The following GALNT13 variants were observed in gnomAD, a reference collection of about 807,000 sequenced individuals.
The protein encoded by GALNT13 is polypeptide N-acetylgalactosaminyltransferase 13.
In GALNT13, 28 loss-of-function variants were observed where a neutral mutation model predicts 64.2. The ratio of observed to expected loss-of-function variants is 0.44; its 90% CI spans 0.32 to 0.60. The LOEUF is 0.60. GALNT13 is among the 20% of genes least tolerant of loss of function. The pLI, the probability that GALNT13 is intolerant of heterozygous loss-of-function variation, is 0.05. For missense variants in GALNT13, 577 were observed against 669.8 expected, an observed-to-expected ratio of 0.86 and a Z score of 1.53; for synonymous variants, 214 against 224.6, an observed-to-expected ratio of 0.95 and a Z score of 0.42.
the GALNT13 span, among the ~76,000 whole-genome samples, chr2:153,213,259 C>G: frequency 6.6e-6 from 1 of 152,182 alleles, no homozygotes; most frequent in Non-Finnish European, 1.5e-5. Context: ...TGTGGAATGA[C>G]CCAGGTGGAT....
chr2:153,397,438 C>T, the GALNT13 span, among the ~76,000 whole-genome samples: 1 of 152,202 alleles, frequency 6.6e-6, no homozygotes, highest in South Asian at 2.1e-4. Context: ...TTCACTGGTG[C>T]ACTGACTTTT....
At chr2:153,478,218 G>T in the GALNT13 span, 1 of 1,593,594 alleles carries the variant, frequency 6.3e-7, no homozygotes, top group Non-Finnish European at 8.6e-7. Flanking sequence ...AGCGGTTGCC[G>T]CGGGGGCAGA....
chr2:154,013,755 G>A lies in GALNT13; in HGVS notation c.142+69116G>A, dbSNP rs1696806504. On this transcript the variant is annotated intron_variant, in intron 3 of 12. Coordinates refer to ENST00000392825, the MANE Select transcript of GALNT13 (RefSeq NM_052917.4). Reference sequence around the variant, plus strand: ...AGCAGAGTGTGCTCATGACAGCAGCGGTGGGGCAGTGGGGTGCACACTCAC... The same window carrying A: ...AGCAGAGTGTGCTCATGACAGCAGCAGTGGGGCAGTGGGGTGCACACTCAC... Among the ~76,000 whole-genome samples the A allele has an allele frequency of 2.0e-5, 3 of 152,264 alleles. 1 individual carries two copies. The East Asian group carries it at 5.8e-4, about 30-fold the overall frequency.
chr2:153,234,433 G>A, the GALNT13 span, among the ~76,000 whole-genome samples: 2 of 152,210 alleles, frequency 1.3e-5, no homozygotes, highest in South Asian at 2.1e-4. Context: ...CAGCTGTTTG[G>A]TACTCTAGCT....
chr2:154,225,163 T>C (rs13401197), intron 4 of GALNT13, among the ~76,000 whole-genome samples: 13 of 79,382 alleles, frequency 1.6e-4, no homozygotes, highest in Non-Finnish European at 3.6e-4. Flanking sequence ...AGATAGATGA[T>C]AGATAGATAG....
At chr2:154,103,557 G>T (rs1301619475) in intron 3 of GALNT13, among the ~76,000 whole-genome samples, 1 of 152,032 alleles carries the variant, frequency 6.6e-6, no homozygotes, top group East Asian at 1.9e-4. Flanking sequence ...TTGTCTTTTT[G>T]TACTGCTGGA....
At chr2:153,572,307 T>C in the GALNT13 span, among the ~76,000 whole-genome samples, 6 of 151,696 alleles carry the variant, frequency 4.0e-5, no homozygotes, top group African/African-American at 1.4e-4. Context: ...TTCTCTCTGT[T>C]TTCAACTCTG....
the GALNT13 span, among the ~76,000 whole-genome samples, chr2:153,233,030 C>T: frequency 6.6e-6 from 1 of 152,162 alleles, no homozygotes; most frequent in African/African-American, 2.4e-5. Flanking sequence ...CAGCACTAAT[C>T]AGAAATTAGA....
intron 3 of GALNT13, among the ~76,000 whole-genome samples, chr2:154,022,255 T>C (rs530107463): frequency 3.9e-5 from 6 of 152,318 alleles, no homozygotes; most frequent in African/African-American, 9.6e-5. Flanking sequence ...TTTCTATTGA[T>C]TGGAGTAGTT....
chr2:154,373,847 C>T (rs1559120430), intron 9 of GALNT13, among the ~76,000 whole-genome samples: 2 of 152,148 alleles, frequency 1.3e-5, no homozygotes, highest in African/African-American at 2.4e-5. Flanking sequence ...AGAGTGTGAA[C>T]AATAACAAAG....
the GALNT13 span, among the ~76,000 whole-genome samples, chr2:153,223,267 G>A: frequency 6.6e-6 from 1 of 152,188 alleles, no homozygotes; most frequent in Non-Finnish European, 1.5e-5. Context: ...GTAATTGCTG[G>A]ATCAAGCAGG....
chr2:153,638,758 G>A, the GALNT13 span, among the ~76,000 whole-genome samples: 8 of 152,160 alleles, frequency 5.3e-5, no homozygotes, highest in South Asian at 1.0e-3. Flanking sequence ...GGGTGGGGGT[G>A]TGTGTTCTCT....
intron 9 of GALNT13, among the ~76,000 whole-genome samples, chr2:154,379,263 A>G (rs1430834521): frequency 1.3e-5 from 2 of 152,112 alleles, no homozygotes; most frequent in African/African-American, 4.8e-5. Context: ...GTCTTAATAA[A>G]ATAAACTCAC....
the GALNT13 span, among the ~76,000 whole-genome samples, chr2:153,536,558 T>A: frequency 6.6e-6 from 1 of 152,192 alleles, no homozygotes; most frequent in South Asian, 2.1e-4. Context: ...GAGAGAGATA[T>A]CAAGTTTTAA....
At chr2:153,133,554 T>C in the GALNT13 span, among the ~76,000 whole-genome samples, 1 of 152,130 alleles carries the variant, frequency 6.6e-6, no homozygotes, top group African/African-American at 2.4e-5. Context: ...TCTTTCCTGG[T>C]TGTGTGACAA....
the GALNT13 span, among the ~76,000 whole-genome samples, chr2:153,257,958 C>G: frequency 4.6e-5 from 7 of 152,158 alleles, no homozygotes; most frequent in Non-Finnish European, 8.8e-5. Context: ...TACAAGGTTC[C>G]TGACCTGTGG....
At chr2:154,355,771 C>A (rs1196603759) in intron 9 of GALNT13, among the ~76,000 whole-genome samples, 2 of 151,996 alleles carry the variant, frequency 1.3e-5, no homozygotes, top group Non-Finnish European at 2.9e-5. Context: ...ATTATCCACT[C>A]AATAAAAATG....
At chr2:153,373,223 A>G in the GALNT13 span, among the ~76,000 whole-genome samples, 1 of 152,012 alleles carries the variant, frequency 6.6e-6, no homozygotes, top group East Asian at 1.9e-4. Context: ...CCTGGGAGAT[A>G]AAAGTAATTG....
intron 1 of GALNT13, among the ~76,000 whole-genome samples, chr2:153,889,796 T>G (rs1309006769): frequency 6.6e-6 from 1 of 152,048 alleles, no homozygotes; most frequent in Non-Finnish European, 1.5e-5. Context: ...CTACATAGTT[T>G]AAGGCACTAT....
Sources: allele counts gnomAD v4.1 joint callset (sites outside exome capture counted in the v4.1 genomes callset), GRCh38; gene constraint gnomAD v4.1.1; transcripts MANE v1.5; gene names NCBI Gene and HGNC (gene_info 2026-07-23, HGNC 2026-07-21).